ARL15: variants seen among roughly 807,000 people sequenced by gnomAD.
ARL15 encodes the protein ARF like GTPase 15.
Under a neutral mutation model 25.2 loss-of-function variants are expected in ARL15, and 19 were observed. The ratio of observed to expected loss-of-function variants is 0.75; its 90% CI spans 0.53 to 1.10. ARL15 has a LOEUF of 1.10. Ranked by LOEUF, ARL15 falls within the 50% of genes least tolerant of loss-of-function variation. The pLI, the probability that ARL15 is intolerant of heterozygous loss-of-function variation, is 0.00. For missense variants in ARL15, 220 were observed against 246.0 expected, an observed-to-expected ratio of 0.89 and a Z score of 0.71; for synonymous variants, 94 against 86.8, an observed-to-expected ratio of 1.08 and a Z score of -0.46.
chr5:54,253,719 T>C (rs530994689), intron 1 of ARL15, among the ~76,000 whole-genome samples: 1 of 152,108 alleles, frequency 6.6e-6, no homozygotes, highest in Admixed American at 6.5e-5. Context: ...GCCTCCCAAG[T>C]AGTTGGGACT....
intron 1 of ARL15, among the ~76,000 whole-genome samples, chr5:54,177,641 C>T (rs1754916343): frequency 6.6e-6 from 1 of 152,046 alleles, no homozygotes; most frequent in African/African-American, 2.4e-5. Flanking sequence ...ATGAATAACC[C>T]CTCATGTCAA....
At chr5:53,974,373 A>C (rs991192244) in intron 4 of ARL15, among the ~76,000 whole-genome samples, 1 of 152,168 alleles carries the variant, frequency 6.6e-6, no homozygotes, top group Non-Finnish European at 1.5e-5. Context: ...CCTCCTCAAT[A>C]ATCTGCCCTT....
intron 4 of ARL15, chr5:53,887,460 C>A: frequency 4.4e-6 from 3 of 687,996 alleles, no homozygotes; most frequent in Non-Finnish European, 7.9e-6. Context: ...TCACAAGTCA[C>A]TCTTACTATA....
chr5:54,055,269 C>A (rs772582942), intron 4 of ARL15, among the ~76,000 whole-genome samples: 2 of 150,854 alleles, frequency 1.3e-5, no homozygotes, highest in Non-Finnish European at 2.9e-5. Flanking sequence ...GACATGTGGC[C>A]TTTTGTAAAT....
chr5:53,906,247 CT>C (rs1477088376), intron 4 of ARL15, among the ~76,000 whole-genome samples: 2 of 152,152 alleles, frequency 1.3e-5, no homozygotes, highest in Non-Finnish European at 2.9e-5. Context: ...GGTTGAACTG[CT>C]TTTTGGCACC....
intron 4 of ARL15, among the ~76,000 whole-genome samples, chr5:54,075,146 C>T (rs1168828898): frequency 6.7e-6 from 1 of 148,284 alleles, no homozygotes; most frequent in Non-Finnish European, 1.5e-5. Context: ...GTCTCCTGGC[C>T]CAAAGAAGCT....
chr5:53,911,982 G>A (rs903761015), intron 4 of ARL15: 6 of 151,534 alleles, frequency 4.0e-5, no homozygotes, highest in Non-Finnish European at 7.4e-5. Flanking sequence ...CCAGCAATCC[G>A]AAGTCTCTAT....
rs566589612 is a variant in ARL15, at chr5:53,972,186, C to T, written c.463-85473G>A. 5.9e-5 allele frequency among the ~76,000 whole-genome samples: 9 copies of T among 152,012 alleles called. No homozygotes were observed. In the South Asian group the frequency reaches 6.2e-4, roughly 10 times the overall value. On this transcript the variant is annotated intron_variant, in intron 4 of 4. Transcript: ENST00000504924. ...AAAAGTGGAAATTAAACAAAAAAAA[C>T]CCCTCTTGGATCATAAATGTAAATA...
At chr5:54,037,849 A>C (rs1181039874) in intron 4 of ARL15, among the ~76,000 whole-genome samples, 1 of 152,116 alleles carries the variant, frequency 6.6e-6, no homozygotes, top group African/African-American at 2.4e-5. Context: ...CAAACCTATC[A>C]TTTATTTCCA....
chr5:53,931,077 T>A (rs1370566944), intron 4 of ARL15, among the ~76,000 whole-genome samples: 1 of 152,150 alleles, frequency 6.6e-6, no homozygotes, highest in African/African-American at 2.4e-5. Flanking sequence ...CTTATCAACA[T>A]AAATGTTTAA....
chr5:53,957,005 G>C (rs1747182477), intron 4 of ARL15, among the ~76,000 whole-genome samples: 1 of 151,650 alleles, frequency 6.6e-6, no homozygotes, highest in African/African-American at 2.4e-5. Flanking sequence ...GGGAAGCCCA[G>C]AAGAGAAGAG....
At chr5:54,021,062 A>C (rs182254525) in intron 4 of ARL15, among the ~76,000 whole-genome samples, 3 of 151,956 alleles carry the variant, frequency 2.0e-5, no homozygotes, top group Non-Finnish European at 2.9e-5. Context: ...AGGGCCAGGC[A>C]CAGTGGCTCA....
chr5:53,918,570 G>A (rs1021681722), intron 4 of ARL15, among the ~76,000 whole-genome samples: 1 of 152,142 alleles, frequency 6.6e-6, no homozygotes, highest in African/African-American at 2.4e-5. Context: ...AATGAGAGAT[G>A]AGAGTGATTT....
At position 54,171,932 on chromosome 5, in the gene ARL15, C is replaced by T; in HGVS notation, c.49-4G>A. 1 of 1,598,258 alleles carries T rather than the reference C, an allele frequency of 6.3e-7. No individual in the cohort carries two copies. ...TGCAGCAAAGTGCTCTAAAACACTG[C>T]CAAAAGAAGGGGAAAAAAATGTTCC... On this transcript the variant is annotated splice_region_variant and splice_polypyrimidine_tract_variant and intron_variant, in intron 1 of 4. Transcript: ENST00000504924.
At chr5:54,080,709 C>G (rs1416907786) in intron 4 of ARL15, among the ~76,000 whole-genome samples, 1 of 152,066 alleles carries the variant, frequency 6.6e-6, no homozygotes, top group East Asian at 1.9e-4. Context: ...CAAAAAAACC[C>G]TGAGATGTCT....
chr5:54,244,695 G>A (rs1301373640), intron 1 of ARL15, among the ~76,000 whole-genome samples: 1 of 151,866 alleles, frequency 6.6e-6, no homozygotes, highest in Non-Finnish European at 1.5e-5. Context: ...TGAGTCCAAG[G>A]TGGACACTAT....
chr5:53,957,328 T>C (rs1307693178), intron 4 of ARL15, among the ~76,000 whole-genome samples: 1 of 151,980 alleles, frequency 6.6e-6, no homozygotes, highest in Non-Finnish European at 1.5e-5. Flanking sequence ...GCTGAAAGAA[T>C]AAAAAATGTT....
intron 4 of ARL15, among the ~76,000 whole-genome samples, chr5:54,015,694 A>G (rs1749404824): frequency 6.6e-6 from 1 of 152,146 alleles, no homozygotes; most frequent in South Asian, 2.1e-4. Flanking sequence ...AATTATGTAT[A>G]TTAGAAAACA....
Position 53,914,653 on chromosome 5 carries a change from G to A in ARL15, c.463-27940C>T, listed in dbSNP as rs140810319. On this transcript the variant is annotated intron_variant, in intron 4 of 4. Transcript: ENST00000504924. ...AAAGTAGACCCTCTCACTCATCTTGGCGAATTCCGCATCTGGAGCAAGGTC... is the reference window on the plus strand; with the variant it reads ...AAAGTAGACCCTCTCACTCATCTTGACGAATTCCGCATCTGGAGCAAGGTC... Among the ~76,000 whole-genome samples, 290 of 152,348 alleles carry A rather than the reference G, an allele frequency of 1.9e-3. 2 individuals are homozygous for A. Among genetic ancestry groups the A allele is most frequent in the African/African-American group, 6.5e-3 (272 of 41,580 alleles).
Sources: allele counts gnomAD v4.1 joint callset (sites outside exome capture counted in the v4.1 genomes callset), GRCh38; gene constraint gnomAD v4.1.1; transcripts MANE v1.5; gene names NCBI Gene and HGNC (gene_info 2026-07-23, HGNC 2026-07-21).